ZFHX3: variants seen among roughly 807,000 people sequenced by gnomAD.
ZFHX3 encodes the protein zinc finger homeobox protein 3.
ZFHX3 carries 42 observed loss-of-function variants against 279.1 expected under a neutral mutation model. The ratio of observed to expected loss-of-function variants is 0.15; its 90% CI spans 0.12 to 0.19. ZFHX3 has a LOEUF of 0.19. Ranked by LOEUF, ZFHX3 falls within the 10% of genes least tolerant of loss-of-function variation. ZFHX3 has a pLI of 1.00. For synonymous variants in ZFHX3, 2,293 were observed against 1,957.8 expected (o/e 1.17, Z -4.52); for missense variants, 4,981 against 4,754.0 (o/e 1.05, Z -1.40).
rs549604950 is a variant in ZFHX3, at chr16:73,092,126, T to C, written c.-533+1109A>G. Among the ~76,000 whole-genome samples the C allele has an allele frequency of 1.5e-4, 23 of 152,236 alleles. No individual in the cohort carries two copies. The South Asian group carries it at 4.8e-3, about 32-fold the overall frequency. ...CTAATGCCCAGCTAAAAAGGGAAAG[T>C]CACTTAGTAACTTGCCCAAGAACAC... On this transcript the variant is annotated intron_variant, in intron 8 of 17. Transcript: ENST00000641206.
chr16:73,520,052 G>C (rs1375461960), intron 2 of ZFHX3, among the ~76,000 whole-genome samples: 1 of 152,046 alleles, frequency 6.6e-6, no homozygotes, highest in East Asian at 1.9e-4. Flanking sequence ...ATTTGGGGTT[G>C]GTTTAAATAG....
chr16:73,535,642 G>T (rs1412140546), intron 2 of ZFHX3, among the ~76,000 whole-genome samples: 1 of 152,062 alleles, frequency 6.6e-6, no homozygotes, highest in African/African-American at 2.4e-5. Flanking sequence ...AAAAAATTCT[G>T]CCTGTGGTGC....
intron 3 of ZFHX3, among the ~76,000 whole-genome samples, chr16:72,901,646 ATT>A (rs2039039435): frequency 6.6e-6 from 1 of 152,112 alleles, no homozygotes; most frequent in Non-Finnish European, 1.5e-5. Flanking sequence ...CTTAAATTCC[ATT>A]TGTTTTCTGG....
At chr16:73,847,697 G>A (rs527312654) in intron 1 of ZFHX3, among the ~76,000 whole-genome samples, 2 of 151,950 alleles carry the variant, frequency 1.3e-5, no homozygotes, top group African/African-American at 2.4e-5. Flanking sequence ...TATAGGAAGT[G>A]CCCAGTTCAG....
intron 3 of ZFHX3, among the ~76,000 whole-genome samples, chr16:73,454,756 A>G (rs1016127447): frequency 6.6e-6 from 1 of 152,196 alleles, no homozygotes; most frequent in Non-Finnish European, 1.5e-5. Flanking sequence ...GACTACAAAC[A>G]CAAAAGCAAA....
chr16:72,970,515 G>A (rs146108191), intron 1 of ZFHX3, among the ~76,000 whole-genome samples: 1 of 152,010 alleles, frequency 6.6e-6, no homozygotes, highest in Admixed American at 6.6e-5. Flanking sequence ...AATTACCATA[G>A]AGCACGGATC....
chr16:73,592,902 T>G (rs573854596), intron 2 of ZFHX3, among the ~76,000 whole-genome samples: 1 of 149,198 alleles, frequency 6.7e-6, no homozygotes, highest in African/African-American at 2.5e-5. Context: ...AAGAAAACAA[T>G]GGAAAAGGAT....
intron 1 of ZFHX3, among the ~76,000 whole-genome samples, chr16:73,824,411 TTTA>T (rs1960838890): frequency 1.3e-5 from 2 of 150,236 alleles, no homozygotes; most frequent in African/African-American, 2.4e-5. Context: ...TTTTTTTTTT[TTTA>T]TTATACTTTA....
At chr16:73,472,919 C>G (rs1260409118) in intron 2 of ZFHX3, among the ~76,000 whole-genome samples, 3 of 152,128 alleles carry the variant, frequency 2.0e-5, no homozygotes, top group Non-Finnish European at 4.4e-5. Context: ...TTCCCATTAC[C>G]CTTTCACCTC....
intron 5 of ZFHX3, among the ~76,000 whole-genome samples, chr16:72,816,039 A>G (rs918800711): frequency 6.6e-6 from 1 of 152,238 alleles, no homozygotes; most frequent in African/African-American, 2.4e-5. Context: ...AGAAGATAAA[A>G]TGTGTATTAT....
At chr16:73,741,884 G>A (rs1438591171) in intron 1 of ZFHX3, among the ~76,000 whole-genome samples, 1 of 152,124 alleles carries the variant, frequency 6.6e-6, no homozygotes, top group East Asian at 1.9e-4. Context: ...TTGTTTGAAG[G>A]GACCGCTGAT....
intron 3 of ZFHX3, among the ~76,000 whole-genome samples, chr16:73,369,450 G>T (rs1446460255): frequency 3.9e-5 from 6 of 152,230 alleles, no homozygotes; most frequent in Admixed American, 1.3e-4. Context: ...CCCATGGTGG[G>T]AATCGAGGCT....
chr16:72,980,370 G>A (rs540957932), intron 1 of ZFHX3, among the ~76,000 whole-genome samples: 18 of 152,244 alleles, frequency 1.2e-4, no homozygotes, highest in African/African-American at 4.1e-4. Flanking sequence ...ATGTAGTTTC[G>A]TATGGATGCC....
rs1408882284 is a variant in ZFHX3, at chr16:73,236,323, C to T, written c.-1104+20724G>A. 3.9e-5 allele frequency among the ~76,000 whole-genome samples: 6 copies of T among 152,270 alleles called. No homozygotes were observed. In the East Asian group the frequency reaches 7.7e-4, roughly 20 times the overall value. On this transcript the variant is annotated intron_variant, in intron 5 of 17. Transcript: ENST00000641206. ...TTTAAGGTAGTGATCTCTGGCTGGG[C>T]GCAGTGGCTCACGCCTGTAATCCCA...
At chr16:73,871,485 A>T (rs917977629) in intron 1 of ZFHX3, among the ~76,000 whole-genome samples, 22 of 144,510 alleles carry the variant, frequency 1.5e-4, no homozygotes, top group African/African-American at 5.2e-4. Context: ...GGAGGACAAT[A>T]AAAAAAAAAA....
intron 1 of ZFHX3, among the ~76,000 whole-genome samples, chr16:73,886,135 TAA>T (rs1230874476): frequency 6.6e-6 from 1 of 152,144 alleles, no homozygotes; most frequent in African/African-American, 2.4e-5. Flanking sequence ...GCCCAGAAAA[TAA>T]AAGACTATTA....
chr16:73,880,100 C>T (rs1166460498), intron 1 of ZFHX3, among the ~76,000 whole-genome samples: 2 of 152,218 alleles, frequency 1.3e-5, no homozygotes, highest in East Asian at 3.9e-4. Flanking sequence ...TACTTCAGGG[C>T]TGATGAGCAT....
chr16:72,881,228 T>C (rs1422200141), intron 4 of ZFHX3, among the ~76,000 whole-genome samples: 1 of 152,208 alleles, frequency 6.6e-6, no homozygotes, highest in East Asian at 1.9e-4. Context: ...CTGGTTAATA[T>C]GATGCAGAAA....
At chr16:73,689,968 T>G (rs1191402296) in intron 1 of ZFHX3, among the ~76,000 whole-genome samples, 1 of 151,844 alleles carries the variant, frequency 6.6e-6, no homozygotes, top group Non-Finnish European at 1.5e-5. Flanking sequence ...CAGGCTGGAG[T>G]GCAGTGGCGC....
Sources: allele counts gnomAD v4.1 joint callset (sites outside exome capture counted in the v4.1 genomes callset), GRCh38; gene constraint gnomAD v4.1.1; transcripts MANE v1.5; gene names NCBI Gene and HGNC (gene_info 2026-07-23, HGNC 2026-07-21).